CPAMD8: variants seen among roughly 807,000 people sequenced by gnomAD.
The protein encoded by CPAMD8 is C3 and PZP-like alpha-2-macroglobulin domain-containing protein 8.
In CPAMD8, 146 loss-of-function variants were observed where a neutral mutation model predicts 224.7. The ratio of observed to expected loss-of-function variants is 0.65; its 90% CI spans 0.57 to 0.75. The LOEUF is 0.75. Among genes scored for constraint, CPAMD8 ranks in the 30% least tolerant of loss-of-function variants. The pLI is 0.00. For synonymous variants in CPAMD8, 966 were observed against 1,044.6 expected, an observed-to-expected ratio of 0.92 and a Z score of 1.45; for missense variants, 2,301 against 2,537.5, an observed-to-expected ratio of 0.91 and a Z score of 2.00.
chr19:17,015,157 G>T (rs544867908), intron 3 of CPAMD8, among the ~76,000 whole-genome samples: 1 of 152,170 alleles, frequency 6.6e-6, no homozygotes, highest in African/African-American at 2.4e-5. Flanking sequence ...CAGCAGAATC[G>T]CTTGAACCCA....
Position 16,957,844 on chromosome 19 carries a change from T to C in CPAMD8, c.2276+9A>G, listed in dbSNP as rs770325719. 8 of 1,614,006 alleles carry C rather than the reference T, an allele frequency of 5.0e-6. No homozygotes were observed. Among genetic ancestry groups the C allele is most frequent in the Non-Finnish European group, 6.8e-6 (8 of 1,179,930 alleles). On this transcript the variant is annotated intron_variant, in intron 19 of 41. Coordinates refer to ENST00000443236, the MANE Select transcript of CPAMD8 (RefSeq NM_015692.5). ...GCAAAGTCAGCGCAGAAAAGAAATC[T>C]TAATGTACCTGATGTTGAGACAATG...
chr19:16,941,837 G>A (rs1315897769), intron 22 of CPAMD8, among the ~76,000 whole-genome samples: 5 of 152,136 alleles, frequency 3.3e-5, no homozygotes, highest in African/African-American at 9.7e-5. Flanking sequence ...TCCGGGCATG[G>A]TGGCAGGTGC....
At chr19:16,932,719 T>G (rs2053581740) in intron 23 of CPAMD8, among the ~76,000 whole-genome samples, 1 of 151,858 alleles carries the variant, frequency 6.6e-6, no homozygotes, top group Non-Finnish European at 1.5e-5. Flanking sequence ...AACCAAATAC[T>G]CAAAATTTTG....
intron 25 of CPAMD8, among the ~76,000 whole-genome samples, chr19:16,926,048 A>G (rs2053347522): frequency 6.6e-6 from 1 of 152,128 alleles, no homozygotes; most frequent in Non-Finnish European, 1.5e-5. Context: ...GGCGTGATCC[A>G]CTGCACCTGG....
At chr19:16,953,239 T>G (rs1324559675) in intron 19 of CPAMD8, among the ~76,000 whole-genome samples, 3 of 148,010 alleles carry the variant, frequency 2.0e-5, no homozygotes, top group African/African-American at 7.5e-5. Flanking sequence ...GACTTGAAAG[T>G]AAAAACTAAA....
At chr19:16,903,197 C>T (rs551215728) in intron 34 of CPAMD8, among the ~76,000 whole-genome samples, 1 of 152,100 alleles carries the variant, frequency 6.6e-6, no homozygotes, top group Admixed American at 6.6e-5. Flanking sequence ...TCGCGGGAAA[C>T]TTGCCCTCTG....
At position 16,977,528 on chromosome 19, in the gene CPAMD8, G is replaced by A. The variant is rs748075771; in HGVS notation, c.1598C>T (p.Ala533Val). 7 of 1,595,388 alleles carry A rather than the reference G, an allele frequency of 4.4e-6. No homozygotes were observed. The South Asian group carries it at 6.7e-5, about 15-fold the overall frequency. The change falls in exon 15 of 42, where the codon GCC becomes GTC. Residue 533 changes from alanine (A) to valine (V), a missense_variant. Ala to Val is a moderately conservative substitution (Grantham distance 64). Transcript: ENST00000443236. ...ACACACGTCGACCTCAGCTTCTGGG[G>A]CTGGTGGGGGCTCTGAGGTGAGCAA... is the stretch of plus-strand genomic sequence containing the variant. ...THLSETEPPP[A>V]PEAEVDVCVT...
In CPAMD8 at chr19:16,893,808, C is replaced by G. The variant is rs111345173; in HGVS notation, c.5427-469G>C. On this transcript the variant is annotated intron_variant, in intron 41 of 41. Coordinates refer to ENST00000443236, the MANE Select transcript of CPAMD8 (RefSeq NM_015692.5). The stretch of plus-strand genomic sequence containing the variant: ...ATTTGCTGAGAGCCATCTGCTTCCC[C>G]GCAGGGCCTTGTGATGTGAGCCCGA... 5.8e-3 allele frequency: 929 copies of G among 160,424 alleles called. 15 individuals carry two copies. Among genetic ancestry groups the G allele is most frequent in the African/African-American group, 0.022 (900 of 41,724 alleles). 9.9% of individuals were successfully genotyped at this position (160,424 alleles called of 1,614,324 possible).
chr19:17,019,918 A>G (rs1387757616), intron 3 of CPAMD8, among the ~76,000 whole-genome samples: 3 of 149,704 alleles, frequency 2.0e-5, no homozygotes, highest in Non-Finnish European at 4.4e-5. Flanking sequence ...TTCTCACAAC[A>G]CATGCAATTT....
Position 16,897,706 on chromosome 19 carries a change from G to T in CPAMD8, c.5050C>A (p.Pro1684Thr), listed in dbSNP as rs1488951511. 5 of 1,543,176 alleles carry T rather than the reference G, an allele frequency of 3.2e-6. No homozygotes were observed. Among genetic ancestry groups the T allele is most frequent in the Non-Finnish European group, 3.5e-6 (4 of 1,143,516 alleles). Reference sequence around the variant, plus strand: ...GCGCACTCACCCGGGCCCCGGGCAGGGGCGCGCTCCACTTCGTTGCACGCG... The same window carrying T: ...GCGCACTCACCCGGGCCCCGGGCAGTGGCGCGCTCCACTTCGTTGCACGCG... ...GPACNEVERA[P>T]ARGPGWFPGE... Residue 1684 changes from proline to threonine, a missense_variant, in exon 39 of 42, where the codon CCT (proline) becomes ACT (threonine). Pro to Thr is a conservative substitution (Grantham distance 38). Around this residue, in one of 4 missense-constraint regions of CPAMD8, gnomAD observed 1,709 missense variants for 1,753.2 expected, o/e 0.97. Coordinates refer to ENST00000443236, the MANE Select transcript of CPAMD8 (RefSeq NM_015692.5).
At chr19:16,978,548 T>G (rs1469060674) in intron 14 of CPAMD8, among the ~76,000 whole-genome samples, 2 of 152,212 alleles carry the variant, frequency 1.3e-5, no homozygotes, top group Non-Finnish European at 2.9e-5. Flanking sequence ...AAGGCAATTC[T>G]GCTACCCAGG....
At chr19:16,998,880 A>T (rs2056219125) in intron 10 of CPAMD8, among the ~76,000 whole-genome samples, 1 of 152,190 alleles carries the variant, frequency 6.6e-6, no homozygotes, top group Non-Finnish European at 1.5e-5. Flanking sequence ...TTGCACAGGG[A>T]TGTTCATAGT....
At chr19:16,933,534 C>T (rs987294133) in intron 23 of CPAMD8, among the ~76,000 whole-genome samples, 4 of 151,980 alleles carry the variant, frequency 2.6e-5, no homozygotes, top group Non-Finnish European at 2.9e-5. Context: ...TTGGAACAGA[C>T]GTTTTTCCAC....
At position 16,914,669 on chromosome 19, in the gene CPAMD8, G is replaced by A; in HGVS notation, c.3774C>T (p.Asn1258=). Residue 1258 remains asparagine, a synonymous_variant, in exon 28 of 42, where the codon AAC becomes AAT. Coordinates refer to ENST00000443236, the MANE Select transcript of CPAMD8 (RefSeq NM_015692.5). ...GSFLAVGRVL[N]KDIQGGIHGT... is the part of the protein sequence containing the mutation. The stretch of plus-strand genomic sequence containing the variant: ...AGGGGCCACTCACCTGGATGTCCTT[G>A]TTCAGGACCCTGCCCACGGCCAGGA... 1 of 1,614,014 alleles carries A rather than the reference G, an allele frequency of 6.2e-7. No homozygotes were observed. The highest frequency in any genetic ancestry group is 1.1e-5 in the South Asian group (1 of 91,086).
Position 16,898,577 on chromosome 19 carries a change from C to T in CPAMD8, c.4849-583G>A, listed in dbSNP as rs1280067338. Among the ~76,000 whole-genome samples the T allele has an allele frequency of 6.6e-6, 1 of 152,090 alleles. No individual in the cohort carries two copies. Among genetic ancestry groups the T allele is most frequent in the Non-Finnish European group, 1.5e-5 (1 of 68,008 alleles). ...TAGTTACAGAACGGTTTCTTTCTCC[C>T]CCAAAGAAACCCCATCGCCATCAGC... is the stretch of plus-strand genomic sequence containing the variant. On this transcript the variant is annotated intron_variant, in intron 37 of 41. Coordinates refer to ENST00000443236, the MANE Select transcript of CPAMD8 (RefSeq NM_015692.5). This position sits in a 1 kb window ranked among gnomAD's most constrained non-coding sequence, Gnocchi z 4.2.
chr19:17,005,345 T>C (rs895371347), intron 7 of CPAMD8, among the ~76,000 whole-genome samples: 3 of 152,056 alleles, frequency 2.0e-5, no homozygotes, highest in Non-Finnish European at 4.4e-5. Flanking sequence ...TCCCCAGACA[T>C]TGCCATGTCC....
At chr19:16,990,883 A>AAAAAAAAAAAAAAAAAAAAAAAAAAAC (rs2055924737) in intron 12 of CPAMD8, among the ~76,000 whole-genome samples, 1 of 149,312 alleles carries the variant, frequency 6.7e-6, no homozygotes, top group African/African-American at 2.5e-5. Flanking sequence ...AAAAAAAAAA[A>AAAAAAAAAAAAAAAAAAAAAAAAAAAC]AAAAAAAAAG....
chr19:16,911,361 T>C (rs963058867), intron 29 of CPAMD8, among the ~76,000 whole-genome samples: 3 of 151,632 alleles, frequency 2.0e-5, no homozygotes, highest in African/African-American at 7.3e-5. Flanking sequence ...CCTTTTTTTT[T>C]TGTTCTTTTT....
chr19:16,962,030 T>C (rs1165290933), intron 18 of CPAMD8, among the ~76,000 whole-genome samples: 2 of 152,220 alleles, frequency 1.3e-5, no homozygotes, highest in African/African-American at 2.4e-5. Flanking sequence ...AAGCCCCATC[T>C]GTAGGTTACC....
Sources: gnomAD v4.1 joint callset for allele counts (sites outside exome capture counted in the v4.1 genomes callset) on GRCh38, gnomAD v4.1.1 for gene constraint, gnomAD v4.1.1 regional missense constraint, Gnocchi (gnomAD v3.1) non-coding constraint, MANE v1.5 for transcripts, NCBI Gene and HGNC (gene_info 2026-07-23, HGNC 2026-07-21) for gene names.